The following ENTREP2 variants were observed in gnomAD, a reference collection of about 807,000 sequenced individuals.
The protein encoded by ENTREP2 is endosomal transmembrane epsin interactor 2.
At chr15:29,600,474 C>CATCATCA in the ENTREP2 span, among the ~76,000 whole-genome samples, 1 of 148,812 alleles carries the variant, frequency 6.7e-6, no homozygotes, top group Non-Finnish European at 1.5e-5. Context: ...CATCATCAAT[C>CATCATCA]ATCATCATCG....
At chr15:29,415,138 C>T in the ENTREP2 span, among the ~76,000 whole-genome samples, 3 of 151,774 alleles carry the variant, frequency 2.0e-5, no homozygotes, top group Admixed American at 2.0e-4. Flanking sequence ...GTGAATCCCC[C>T]CTAACTCATT....
the ENTREP2 span, chr15:29,123,384 G>T: frequency 6.5e-7 from 1 of 1,545,386 alleles, no homozygotes; most frequent in African/African-American, 1.4e-5. Context: ...CCTCCTCCTC[G>T]AGGCGCTCCT....
chr15:29,634,885 G>C, the ENTREP2 span, among the ~76,000 whole-genome samples: 1 of 152,166 alleles, frequency 6.6e-6, no homozygotes. Context: ...GAGGGAGCAC[G>C]AAGCTTCTAC....
the ENTREP2 span, among the ~76,000 whole-genome samples, chr15:29,212,233 G>A: frequency 0.4 from 60,476 of 151,842 alleles, 12,378 homozygotes; most frequent in East Asian, 0.6. Flanking sequence ...GAATTTATCC[G>A]TCTCTTCTAG....
the ENTREP2 span, among the ~76,000 whole-genome samples, chr15:29,217,421 A>T: frequency 2.0e-5 from 3 of 152,196 alleles, no homozygotes; most frequent in Non-Finnish European, 4.4e-5. Flanking sequence ...AATTTAACAT[A>T]GTCCCAGACT....
the ENTREP2 span, among the ~76,000 whole-genome samples, chr15:29,351,818 T>TTA: frequency 0.14 from 21,848 of 151,548 alleles, 1,811 homozygotes; most frequent in East Asian, 0.35. Context: ...TTTTTTATTT[T>TTA]TTTTTTGGTA....
At chr15:29,652,051 CATG>C in the ENTREP2 span, among the ~76,000 whole-genome samples, 1 of 152,208 alleles carries the variant, frequency 6.6e-6, no homozygotes, top group African/African-American at 2.4e-5. Context: ...GAACAATCAG[CATG>C]CACTTCCCCA....
chr15:29,645,578 G>A, the ENTREP2 span, among the ~76,000 whole-genome samples: 8 of 148,988 alleles, frequency 5.4e-5, no homozygotes, highest in African/African-American at 1.7e-4. Flanking sequence ...TTTATTTTGA[G>A]ACAGAGTCTC....
chr15:29,574,387 G>A, the ENTREP2 span, among the ~76,000 whole-genome samples: 1 of 152,166 alleles, frequency 6.6e-6, no homozygotes, highest in African/African-American at 2.4e-5. Context: ...TCCACCTCCT[G>A]AGTTCAAGCG....
the ENTREP2 span, among the ~76,000 whole-genome samples, chr15:29,264,154 C>CA: frequency 2.6e-4 from 18 of 69,044 alleles, no homozygotes; most frequent in Admixed American, 3.2e-4. Flanking sequence ...GACTCCGTCT[C>CA]AAAAAAAAAA....
chr15:29,664,267 G>A, the ENTREP2 span, among the ~76,000 whole-genome samples: 5 of 152,290 alleles, frequency 3.3e-5, no homozygotes, highest in East Asian at 9.6e-4. Context: ...CCTTAAACGT[G>A]AGAGGTGCAC....
At chr15:29,425,811 G>A in the ENTREP2 span, among the ~76,000 whole-genome samples, 3 of 151,816 alleles carry the variant, frequency 2.0e-5, no homozygotes, top group Admixed American at 2.0e-4. Context: ...GATATCTATA[G>A]TCTCTATGCA....
the ENTREP2 span, among the ~76,000 whole-genome samples, chr15:29,322,104 A>C: frequency 6.6e-6 from 1 of 152,156 alleles, no homozygotes; most frequent in African/African-American, 2.4e-5. Flanking sequence ...GGTAAAATAA[A>C]GTCTTATTTT....
chr15:29,308,061 A>G, the ENTREP2 span, among the ~76,000 whole-genome samples: 1 of 152,190 alleles, frequency 6.6e-6, no homozygotes, highest in Non-Finnish European at 1.5e-5. Flanking sequence ...TGAGAGAGAA[A>G]AATTTTAAAT....
chr15:29,649,742 A>AAAAG, the ENTREP2 span, among the ~76,000 whole-genome samples: 135 of 150,990 alleles, frequency 8.9e-4, 2 homozygotes, highest in African/African-American at 2.8e-3. Flanking sequence ...AAAAAAAAAA[A>AAAAG]AAAGAAAGAA....
chr15:29,666,171 GA>G, the ENTREP2 span, among the ~76,000 whole-genome samples: 5 of 148,918 alleles, frequency 3.4e-5, no homozygotes, highest in East Asian at 2.0e-4. Flanking sequence ...CGTCTTTTGT[GA>G]AAAAAAAAAT....
At chr15:29,141,844 G>C in the ENTREP2 span, among the ~76,000 whole-genome samples, 137 of 152,356 alleles carry the variant, frequency 9.0e-4, no homozygotes, top group African/African-American at 3.2e-3. Context: ...ACCCTGGGGA[G>C]AGCCCGCCCT....
At chr15:29,269,339 A>G in the ENTREP2 span, 1 of 1,614,194 alleles carries the variant, frequency 6.2e-7, no homozygotes, top group Non-Finnish European at 8.5e-7. Flanking sequence ...AGGTCGGGGA[A>G]GATGTCCTTG....
the ENTREP2 span, among the ~76,000 whole-genome samples, chr15:29,246,908 T>C: frequency 6.6e-6 from 1 of 150,548 alleles, no homozygotes; most frequent in Non-Finnish European, 1.5e-5. Context: ...AAATCCATGT[T>C]GAGTAGCCCA....
Sources: gnomAD v4.1 joint callset for allele counts (sites outside exome capture counted in the v4.1 genomes callset) on GRCh38, gnomAD v4.1.1 for gene constraint, MANE v1.5 for transcripts, NCBI Gene and HGNC (gene_info 2026-07-23, HGNC 2026-07-21) for gene names.